TOX: variants seen among roughly 807,000 people sequenced by gnomAD.
The protein encoded by TOX is thymocyte selection associated high mobility group box, also known as thymocyte selection-associated high mobility group box protein TOX.
In TOX, 11 loss-of-function variants were observed where a neutral mutation model predicts 53.7. That is an observed-to-expected ratio of 0.20 (90% confidence interval 0.13 to 0.34). The LOEUF (loss-of-function observed/expected upper bound fraction) is 0.34, where lower values mean the gene tolerates loss of function less well. TOX is among the 10% of genes least tolerant of loss of function. The probability of loss-of-function intolerance (pLI) is 1.00; values close to 1 mark genes in which losing one functional copy is unlikely to be tolerated. For synonymous variants in TOX, 225 were observed against 245.3 expected (o/e 0.92, Z 0.77); for missense variants, 570 against 664.6 (o/e 0.86, Z 1.56).
chr8:58,943,629 A>C (rs1160296082), intron 2 of TOX, among the ~76,000 whole-genome samples: 1 of 144,172 alleles, frequency 6.9e-6, no homozygotes, highest in African/African-American at 2.5e-5. Flanking sequence ...AAAAAAAAAA[A>C]ACAAACAAAT....
chr8:58,984,332 C>G (rs1813282673), intron 1 of TOX, among the ~76,000 whole-genome samples: 2 of 152,066 alleles, frequency 1.3e-5, no homozygotes, highest in South Asian at 4.2e-4. Flanking sequence ...AACAAACAAC[C>G]TGATTAGAAA....
chr8:58,925,875 G>T (rs1159887954), intron 3 of TOX, among the ~76,000 whole-genome samples: 1 of 152,160 alleles, frequency 6.6e-6, no homozygotes, highest in East Asian at 1.9e-4. Context: ...TCTGCCACCT[G>T]AGGCTGTGCT....
chr8:59,104,493 CTAAT>C (rs1220900434), intron 1 of TOX, among the ~76,000 whole-genome samples: 2 of 152,138 alleles, frequency 1.3e-5, no homozygotes, highest in African/African-American at 4.8e-5. Flanking sequence ...TTACACATGA[CTAAT>C]TAGTGTTGAT....
intron 3 of TOX, among the ~76,000 whole-genome samples, chr8:58,903,314 G>A (rs1182691988): frequency 1.3e-5 from 2 of 152,140 alleles, no homozygotes; most frequent in Non-Finnish European, 2.9e-5. Flanking sequence ...TTAAAATTGA[G>A]GGCCTTGATC....
At chr8:58,819,181 G>A (rs546785541) in intron 6 of TOX, among the ~76,000 whole-genome samples, 15 of 152,302 alleles carry the variant, frequency 9.8e-5, no homozygotes, top group African/African-American at 2.6e-4. Context: ...AACTGTGAAA[G>A]CAAGGCTACA....
intron 3 of TOX, among the ~76,000 whole-genome samples, chr8:58,916,842 A>G (rs1812017077): frequency 3.0e-4 from 1 of 3,340 alleles, no homozygotes; most frequent in Non-Finnish European, 4.8e-4. Flanking sequence ...GGCTCAAAAT[A>G]AAAGGATGGA....
In TOX at chr8:59,072,683, T is replaced by C. The variant is rs559330155; in HGVS notation, c.102+46203A>G. Among the ~76,000 whole-genome samples the C allele has an allele frequency of 1.1e-3, 173 of 152,334 alleles. 1 individual carries two copies. The highest frequency in any genetic ancestry group is 1.4e-3 in the Non-Finnish European group (94 of 68,000). On this transcript the variant is annotated intron_variant, in intron 1 of 8. Coordinates refer to ENST00000361421, the MANE Select transcript of TOX (RefSeq NM_014729.3). ...TTTTCCAGCTGTGGTATCTTACATT[T>C]GGAAACATGACAAAGAATTCCTGTC...
At chr8:58,869,282 C>T (rs1811157911) in intron 3 of TOX, among the ~76,000 whole-genome samples, 1 of 146,260 alleles carries the variant, frequency 6.8e-6, no homozygotes, top group African/African-American at 2.5e-5. Flanking sequence ...TCTATATTTA[C>T]AAATTTGAGA....
At chr8:58,973,290 C>T (rs887708674) in intron 1 of TOX, among the ~76,000 whole-genome samples, 8 of 152,196 alleles carry the variant, frequency 5.3e-5, no homozygotes, top group South Asian at 2.1e-4. Flanking sequence ...AATGAACCTG[C>T]ATTTGTAACA....
intron 3 of TOX, among the ~76,000 whole-genome samples, chr8:58,867,983 C>T (rs1466609479): frequency 2.6e-5 from 4 of 152,164 alleles, no homozygotes; most frequent in East Asian, 1.9e-4. Flanking sequence ...TAGCTGTGTA[C>T]CCACCCAAAT....
intron 1 of TOX, among the ~76,000 whole-genome samples, chr8:59,083,608 T>G (rs1804452709): frequency 6.6e-6 from 1 of 152,140 alleles, no homozygotes; most frequent in African/African-American, 2.4e-5. Context: ...AAAAAACAAT[T>G]GAACCCTGCT....
chr8:58,846,584 T>G (rs944197790), intron 4 of TOX, among the ~76,000 whole-genome samples: 1 of 152,162 alleles, frequency 6.6e-6, no homozygotes, highest in Non-Finnish European at 1.5e-5. Flanking sequence ...TTTATCCTAT[T>G]TGCTTTGAGA....
intron 1 of TOX, among the ~76,000 whole-genome samples, chr8:59,064,046 AC>A (rs1804043938): frequency 6.6e-6 from 1 of 152,156 alleles, no homozygotes; most frequent in Non-Finnish European, 1.5e-5. Flanking sequence ...AAGTCCTTTG[AC>A]TCATTCCACT....
intron 1 of TOX, among the ~76,000 whole-genome samples, chr8:58,962,425 C>T (rs575562771): frequency 1.2e-4 from 19 of 152,250 alleles, no homozygotes; most frequent in East Asian, 5.8e-4. Flanking sequence ...CTACATTTTA[C>T]GAAAGAAGAT....
At chr8:59,003,700 T>G (rs1426493152) in intron 1 of TOX, among the ~76,000 whole-genome samples, 2 of 152,248 alleles carry the variant, frequency 1.3e-5, no homozygotes, top group Non-Finnish European at 2.9e-5. Flanking sequence ...AAATATGGGA[T>G]GAATAAAGTA....
chr8:58,969,287 T>A (rs1381172538), intron 1 of TOX, among the ~76,000 whole-genome samples: 1 of 152,206 alleles, frequency 6.6e-6, no homozygotes, highest in African/African-American at 2.4e-5. Flanking sequence ...AATGAAAACA[T>A]GTCATTTTAA....
intron 1 of TOX, among the ~76,000 whole-genome samples, chr8:59,063,898 A>ATG (rs35691859): frequency 9.9e-5 from 15 of 151,406 alleles, no homozygotes; most frequent in African/African-American, 3.1e-4. Flanking sequence ...TAAATCATGT[A>ATG]TGTGTGTGTG....
chr8:59,050,165 C>A (rs932516194), intron 1 of TOX, among the ~76,000 whole-genome samples: 4 of 152,224 alleles, frequency 2.6e-5, no homozygotes, highest in South Asian at 2.1e-4. Flanking sequence ...CGCATTGTGA[C>A]AATTTATTGC....
intron 1 of TOX, among the ~76,000 whole-genome samples, chr8:59,044,229 TCA>T (rs1803646418): frequency 1.4e-5 from 1 of 70,560 alleles, no homozygotes; most frequent in South Asian, 7.3e-4. Flanking sequence ...ATGGCACTCA[TCA>T]AAAAAAAAAA....
Sources: gnomAD v4.1 joint callset for allele counts (sites outside exome capture counted in the v4.1 genomes callset) on GRCh38, gnomAD v4.1.1 for gene constraint, MANE v1.5 for transcripts, NCBI Gene and HGNC (gene_info 2026-07-23, HGNC 2026-07-21) for gene names.